Variants in CORO7 observed in about 807,000 individuals in gnomAD.
CORO7 encodes coronin 7.
In CORO7, 107 loss-of-function variants were observed where a neutral mutation model predicts 126.6. That is an observed-to-expected ratio of 0.85 (90% confidence interval 0.72 to 0.99). CORO7 has a LOEUF of 0.99. Ranked by LOEUF, CORO7 falls within the 50% of genes least tolerant of loss-of-function variation. The pLI is 0.00. For synonymous variants in CORO7, 603 were observed against 536.8 expected (o/e 1.12, Z -1.70); for missense variants, 1,314 against 1,255.8 (o/e 1.05, Z -0.70).
chr16:4,356,164 G>A (rs946485158), intron 26 of CORO7, among the ~76,000 whole-genome samples: 5 of 151,678 alleles, frequency 3.3e-5, no homozygotes, highest in African/African-American at 1.2e-4. Context: ...TGTTGGTCAG[G>A]CTGGTGTCGA....
At position 4,362,540 on chromosome 16, in the gene CORO7, C is replaced by T; in HGVS notation, c.1402+72G>A. 6.7e-7 allele frequency: 1 copy of T among 1,483,612 alleles called. No homozygotes were observed. Among genetic ancestry groups the T allele is most frequent in the East Asian group, 2.5e-5 (1 of 39,990 alleles). 91.9% of individuals were successfully genotyped at this position (1,483,612 alleles called of 1,614,324 possible). ...GGCCTGTGCTCAGCAGTAGGGTACA[C>T]AGGAGGATGACGGGGAGTGGGGCAG... On this transcript the variant is annotated intron_variant, in intron 15 of 27. Coordinates refer to ENST00000251166, the MANE Select transcript of CORO7 (RefSeq NM_024535.5). The surrounding 1 kb of genome is among the most constrained non-coding windows in gnomAD (Gnocchi z 5.3).
chr16:4,362,818 C>T lies in CORO7; in HGVS notation c.1276-80G>A. 1 of 1,266,318 alleles carries T rather than the reference C, an allele frequency of 7.9e-7. No homozygotes were observed. Among genetic ancestry groups the T allele is most frequent in the Non-Finnish European group, 1.0e-6 (1 of 1,003,458 alleles). The allele number at this position is 1,266,318 out of a possible 1,614,324, so 78.4% of individuals were successfully genotyped here. ...AGGGGGTGCCAGCGGACTCCAGGGTCACCACTCTGGGCCCCCTGCGGACTG... is the reference window on the plus strand; with the variant it reads ...AGGGGGTGCCAGCGGACTCCAGGGTTACCACTCTGGGCCCCCTGCGGACTG... On this transcript the variant is annotated intron_variant, in intron 14 of 27. Coordinates refer to ENST00000251166, the MANE Select transcript of CORO7 (RefSeq NM_024535.5). This position sits in a 1 kb window ranked among gnomAD's most constrained non-coding sequence, Gnocchi z 5.3.
rs143684014 is a variant in CORO7, at chr16:4,357,229, C to A, written c.2624G>T (p.Arg875Leu). 4 of 1,613,528 alleles carry A rather than the reference C, an allele frequency of 2.5e-6. No individual in the cohort carries two copies. Among genetic ancestry groups the A allele is most frequent in the Non-Finnish European group, 2.5e-6 (3 of 1,179,946 alleles). ...VSQAPREAPA[R>L]RAPSSAQYLE... is the part of the protein sequence containing the mutation. ...GTACTGCGCTGAGGATGGGGCCCGA[C>A]GAGCAGGGGCCTCTCGGGGGGCTTG... The change falls in exon 26 of 28, where the codon CGT becomes CTT. Residue 875 changes from arginine (R) to leucine (L), a missense_variant. By Grantham distance (102) the Arg-to-Leu change is moderately radical. Transcript: ENST00000251166.
In CORO7 at chr16:4,355,347, A is replaced by C; in HGVS notation, c.2711T>G (p.Leu904Arg). Residue 904 changes from leucine (L) to arginine (R), a missense_variant, in exon 27 of 28, where the codon CTG (leucine) becomes CGG (arginine). Physicochemically the swap from Leu to Arg is moderately radical, Grantham distance 102. Coordinates refer to ENST00000251166, the MANE Select transcript of CORO7 (RefSeq NM_024535.5). ...EELLNAMVAK[L>R]GNREDPLPQD... ...GGGGAGTGGGTCCTCCCGGTTCCCC[A>C]GTTTTGCCACCATGGCATTCAGCAG... 6.2e-7 allele frequency: 1 copy of C among 1,612,038 alleles called. No homozygotes were observed. The highest frequency in any genetic ancestry group is 8.5e-7 in the Non-Finnish European group (1 of 1,179,884).
Position 4,412,347 on chromosome 16 carries a change from C to T in CORO7, c.232+9G>A. On this transcript the variant is annotated intron_variant, in intron 3 of 27. Transcript: ENST00000251166. ...TCAGGCTTCACCCACTAGTCAGACA[C>T]CCACTCACCTGAATGGCAGCCCAGG... 6.2e-7 allele frequency: 1 copy of T among 1,614,052 alleles called. No homozygotes were observed. Among genetic ancestry groups the T allele is most frequent in the Non-Finnish European group, 8.5e-7 (1 of 1,179,938 alleles).
chr16:4,360,432 CT>C lies in CORO7; in HGVS notation c.2022+11del. ...CAGGTCTGAGGCCACTCCCCAGCCC[CT>C]GTGTGCTCACCTGCAGGGGCTCAGG... On this transcript the variant is annotated intron_variant, in intron 20 of 27. Transcript: ENST00000251166. 6.2e-7 allele frequency: 1 copy of C among 1,612,974 alleles called. No homozygotes were observed. The highest frequency in any genetic ancestry group is 8.5e-7 in the Non-Finnish European group (1 of 1,179,872).
chr16:4,403,671 G>A (rs952665474), intron 6 of CORO7, among the ~76,000 whole-genome samples: 1 of 152,184 alleles, frequency 6.6e-6, no homozygotes, highest in East Asian at 1.9e-4. Flanking sequence ...CCAAGCCGGT[G>A]GCCCATGGGG....
intron 8 of CORO7, among the ~76,000 whole-genome samples, chr16:4,388,271 A>T (rs1363607742): frequency 6.6e-6 from 1 of 152,160 alleles, no homozygotes; most frequent in Non-Finnish European, 1.5e-5. Flanking sequence ...CTTAGGTGAC[A>T]AAGGATGAGG....
chr16:4,382,940 A>G, intron 9 of CORO7: 1 of 1,455,466 alleles, frequency 6.9e-7, no homozygotes. Flanking sequence ...GCTCTCAGCC[A>G]GTGAGATGGC....
intron 9 of CORO7, among the ~76,000 whole-genome samples, chr16:4,384,046 C>A (rs538568961): frequency 6.6e-6 from 1 of 152,228 alleles, no homozygotes; most frequent in Non-Finnish European, 1.5e-5. Context: ...AGCAGGAAAT[C>A]CTGCTCCCTG....
At chr16:4,356,057 G>A (rs1390655930) in intron 26 of CORO7, among the ~76,000 whole-genome samples, 1 of 151,262 alleles carries the variant, frequency 6.6e-6, no homozygotes, top group South Asian at 2.1e-4. Flanking sequence ...GGGTTCAAGC[G>A]ATTCTCCTGC....
At chr16:4,375,366 C>T (rs542814993) in intron 9 of CORO7, among the ~76,000 whole-genome samples, 175 of 152,378 alleles carry the variant, frequency 1.1e-3, no homozygotes, top group Non-Finnish European at 2.0e-3. Context: ...CACAGGAAGA[C>T]GAGCTGACAT....
chr16:4,355,778 G>A (rs559013517), intron 26 of CORO7, among the ~76,000 whole-genome samples: 36 of 151,188 alleles, frequency 2.4e-4, no homozygotes, highest in Admixed American at 1.6e-3. Flanking sequence ...CTTTTTGTTT[G>A]TTTGTTTGTT....
intron 9 of CORO7, 144 bp from the exon 10 acceptor site, chr16:4,365,689 C>G: frequency 9.1e-7 from 1 of 1,096,608 alleles, no homozygotes; most frequent in Non-Finnish European, 1.3e-6. Flanking sequence ...CCCCAGGAAC[C>G]CCCTCCTCTT....
intron 6 of CORO7, chr16:4,397,210 G>A (rs1174789071): frequency 6.6e-6 from 1 of 151,836 alleles, no homozygotes; most frequent in East Asian, 2.0e-4. Flanking sequence ...CAGGGAGGCT[G>A]AAGCGGCAGA....
rs112617167 is a variant in CORO7 at position 4,369,516 on chromosome 16, G to A, written c.786-3971C>T. Among the ~76,000 whole-genome samples, 368 of 152,318 alleles carry A rather than the reference G, an allele frequency of 2.4e-3. 2 individuals are homozygous for A. Among genetic ancestry groups the A allele is most frequent in the African/African-American group, 8.7e-3 (362 of 41,564 alleles). Reference sequence around the variant, plus strand: ...TATAGAAGGTCTAAAGCCCAGATCTGCCCCCGCCCCTCAGCCAGGTCCCAG... The same window carrying A: ...TATAGAAGGTCTAAAGCCCAGATCTACCCCCGCCCCTCAGCCAGGTCCCAG... On this transcript the variant is annotated intron_variant, in intron 9 of 27. Coordinates refer to ENST00000251166, the MANE Select transcript of CORO7 (RefSeq NM_024535.5).
intron 3 of CORO7, 77 bp from the exon 4 acceptor site, chr16:4,408,328 A>G: frequency 6.3e-7 from 1 of 1,599,098 alleles, no homozygotes; most frequent in Non-Finnish European, 8.6e-7. Flanking sequence ...AGGGCTTCCG[A>G]GGTGACACTT....
At chr16:4,378,868 G>A (rs2054848131) in intron 9 of CORO7, among the ~76,000 whole-genome samples, 1 of 152,054 alleles carries the variant, frequency 6.6e-6, no homozygotes, top group African/African-American at 2.4e-5. Flanking sequence ...GGTGCTTGTT[G>A]TCGCTAACTG....
intron 7 of CORO7, among the ~76,000 whole-genome samples, chr16:4,389,208 G>A (rs11646063): frequency 0.6 from 90,816 of 152,000 alleles, 28,981 homozygotes; most frequent in East Asian, 0.78. Context: ...AACGTCCAGA[G>A]AGCGCCAAGT....
Sources: gnomAD v4.1 joint callset for allele counts (sites outside exome capture counted in the v4.1 genomes callset) on GRCh38, gnomAD v4.1.1 for gene constraint, Gnocchi (gnomAD v3.1) non-coding constraint, MANE v1.5 for transcripts, NCBI Gene and HGNC (gene_info 2026-07-23, HGNC 2026-07-21) for gene names.